Variants in GALNTL6 observed in about 807,000 individuals in gnomAD.
The protein encoded by GALNTL6 is polypeptide N-acetylgalactosaminyltransferase-like 6.
A neutral mutation model predicts 73.7 loss-of-function variants in GALNTL6; 46 were observed. The observed-to-expected ratio is 0.62, with a 90% confidence interval of 0.49 to 0.80. The LOEUF is 0.80. Ranked by LOEUF, GALNTL6 falls within the 30% of genes least tolerant of loss-of-function variation. The pLI, the probability that GALNTL6 is intolerant of heterozygous loss-of-function variation, is 0.00. For missense variants in GALNTL6, 604 were observed against 755.0 expected, an observed-to-expected ratio of 0.80 and a Z score of 2.34; for synonymous variants, 259 against 263.7, an observed-to-expected ratio of 0.98 and a Z score of 0.17.
At chr4:172,700,464 T>C (rs1235485997) in intron 5 of GALNTL6, among the ~76,000 whole-genome samples, 1 of 152,132 alleles carries the variant, frequency 6.6e-6, no homozygotes, top group Non-Finnish European at 1.5e-5. Flanking sequence ...GATTTACTGA[T>C]TCACATGTAC....
intron 5 of GALNTL6, among the ~76,000 whole-genome samples, chr4:172,397,316 G>A (rs1743882997): frequency 6.6e-6 from 1 of 152,058 alleles, no homozygotes; most frequent in Non-Finnish European, 1.5e-5. Context: ...AAATGATTAA[G>A]ATAATAAAAG....
At chr4:172,172,036 C>G (rs895685406) in intron 2 of GALNTL6, among the ~76,000 whole-genome samples, 1 of 152,088 alleles carries the variant, frequency 6.6e-6, no homozygotes, top group Non-Finnish European at 1.5e-5. Context: ...GAGCTGTATC[C>G]CCAAAACTTG....
intron 5 of GALNTL6, among the ~76,000 whole-genome samples, chr4:172,768,384 C>T (rs1250244883): frequency 6.6e-6 from 1 of 152,174 alleles, no homozygotes; most frequent in African/African-American, 2.4e-5. Flanking sequence ...TCCCCAAACG[C>T]TGGTGGGAAC....
chr4:171,871,820 C>T (rs1268239923), intron 2 of GALNTL6, among the ~76,000 whole-genome samples: 6 of 152,126 alleles, frequency 3.9e-5, no homozygotes, highest in African/African-American at 7.2e-5. Context: ...TTAATAACAA[C>T]GTAGTCAACA....
At chr4:172,565,271 C>CT (rs1325405360) in intron 5 of GALNTL6, among the ~76,000 whole-genome samples, 2 of 152,080 alleles carry the variant, frequency 1.3e-5, no homozygotes, top group Admixed American at 1.3e-4. Context: ...ATTCTTTTGT[C>CT]TTTTTTTGGA....
chr4:172,768,712 G>A (rs1240352468), intron 5 of GALNTL6, among the ~76,000 whole-genome samples: 1 of 152,182 alleles, frequency 6.6e-6, no homozygotes, highest in Non-Finnish European at 1.5e-5. Flanking sequence ...TGACTTGTAT[G>A]TTACTGAGGT....
intron 11 of GALNTL6, among the ~76,000 whole-genome samples, chr4:173,011,130 A>T (rs529424217): frequency 1.3e-5 from 2 of 152,308 alleles, no homozygotes; most frequent in East Asian, 3.9e-4. Context: ...ATCTTTTCAT[A>T]TGCCAGTTTG....
At chr4:172,467,205 C>A (rs1732855301) in intron 5 of GALNTL6, among the ~76,000 whole-genome samples, 1 of 152,310 alleles carries the variant, frequency 6.6e-6, no homozygotes. Flanking sequence ...ATTCAGGCTA[C>A]AGTTGGAATG....
intron 5 of GALNTL6, among the ~76,000 whole-genome samples, chr4:172,705,252 ATTC>A (rs1734272267): frequency 6.8e-6 from 1 of 148,114 alleles, no homozygotes; most frequent in East Asian, 2.0e-4. Flanking sequence ...AGCTCCTCTC[ATTC>A]TTCTTTTCTT....
intron 8 of GALNTL6, among the ~76,000 whole-genome samples, chr4:172,926,386 T>G (rs546118827): frequency 2.6e-5 from 4 of 152,306 alleles, no homozygotes; most frequent in Non-Finnish European, 4.4e-5. Flanking sequence ...CAATAATGAT[T>G]TATTGAACTT....
intron 2 of GALNTL6, among the ~76,000 whole-genome samples, chr4:171,920,217 C>G (rs1033955291): frequency 2.0e-5 from 3 of 151,142 alleles, no homozygotes; most frequent in Non-Finnish European, 4.4e-5. Flanking sequence ...CATCACACAC[C>G]GGGGCCTGTT....
intron 7 of GALNTL6, among the ~76,000 whole-genome samples, chr4:172,826,426 C>A (rs1742271491): frequency 6.6e-6 from 1 of 152,190 alleles, no homozygotes; most frequent in Non-Finnish European, 1.5e-5. Flanking sequence ...GACAAGGAAG[C>A]CCACACATCT....
chr4:171,866,222 T>C (rs1735966797), intron 2 of GALNTL6, among the ~76,000 whole-genome samples: 1 of 152,158 alleles, frequency 6.6e-6, no homozygotes, highest in Non-Finnish European at 1.5e-5. Context: ...TTATATAATG[T>C]CTTTCATAAA....
At position 172,809,426 on chromosome 4, in the gene GALNTL6, A is replaced by T. The variant is rs766485386; in HGVS notation, c.619A>T (p.Lys207Ter). Residue 207 changes from lysine to a stop codon, truncating the protein, a stop_gained, in exon 6 of 13, where the codon AAG (lysine) becomes TAG (stop). Coordinates refer to ENST00000506823, the MANE Select transcript of GALNTL6 (RefSeq NM_001034845.3). LOFTEE classifies it high-confidence loss of function. This position sits in a 1 kb window ranked among gnomAD's most constrained non-coding sequence, Gnocchi z 4.4. ...TTCCAAAGTGAGGATTGTTCGCACCAAGAAAAGAGAAGGACTCATCCGGAC... is the reference window on the plus strand; with the variant it reads ...TTCCAAAGTGAGGATTGTTCGCACCTAGAAAAGAGAAGGACTCATCCGGAC... ...RFSKVRIVRTKKREGLIRTRL... is the reference protein window; with the variant it reads ...RFSKVRIVRT 1.9e-6 allele frequency: 3 copies of T among 1,613,802 alleles called. No homozygotes were observed. The African/African-American group carries it at 4.0e-5, about 22-fold the overall frequency.
rs191257633 is a variant in GALNTL6, at chr4:172,877,445, G to A, written c.924-5345G>A. On this transcript the variant is annotated intron_variant, in intron 7 of 12. Coordinates refer to ENST00000506823, the MANE Select transcript of GALNTL6 (RefSeq NM_001034845.3). ...AAGTACTGTATCTTGGTTTAGAGAA[G>A]ATGATCAACTACACATTTTGAAAAA... is the stretch of plus-strand genomic sequence containing the variant. Among the ~76,000 whole-genome samples the A allele has an allele frequency of 1.5e-3, 230 of 152,018 alleles. 4 individuals are homozygous for A. The highest frequency in any genetic ancestry group is 4.3e-3 in the Admixed American group (65 of 15,278).
chr4:172,156,926 A>G (rs1375658408), intron 2 of GALNTL6, among the ~76,000 whole-genome samples: 1 of 152,066 alleles, frequency 6.6e-6, no homozygotes, highest in Non-Finnish European at 1.5e-5. Context: ...TGCTTATTAT[A>G]TACTTGTTTT....
chr4:172,001,652 G>C (rs992471976), intron 2 of GALNTL6, among the ~76,000 whole-genome samples: 3 of 151,978 alleles, frequency 2.0e-5, no homozygotes, highest in African/African-American at 7.2e-5. Context: ...TTGCTTGCCC[G>C]AACCTCCCTC....
At chr4:172,896,429 T>C (rs1746335763) in intron 8 of GALNTL6, among the ~76,000 whole-genome samples, 2 of 152,192 alleles carry the variant, frequency 1.3e-5, no homozygotes, top group Admixed American at 6.5e-5. Flanking sequence ...CAGACAGACC[T>C]GGGGAATGCC....
chr4:172,908,721 C>T (rs1370761399), intron 8 of GALNTL6, among the ~76,000 whole-genome samples: 1 of 149,318 alleles, frequency 6.7e-6, no homozygotes, highest in Admixed American at 6.7e-5. Context: ...AAACAATTTA[C>T]AACAGTGAAA....
Sources: allele counts gnomAD v4.1 joint callset (sites outside exome capture counted in the v4.1 genomes callset), GRCh38; gene constraint gnomAD v4.1.1; non-coding constraint Gnocchi (gnomAD v3.1); transcripts MANE v1.5; gene names NCBI Gene and HGNC (gene_info 2026-07-23, HGNC 2026-07-21).